Variants in SNX20 observed in about 807,000 individuals in gnomAD.
The protein encoded by SNX20 is sorting nexin 20.
Under a neutral mutation model 24.5 loss-of-function variants are expected in SNX20, and 21 were observed. That is an observed-to-expected ratio of 0.86 (90% CI 0.61 to 1.23). The LOEUF is 1.23. SNX20 is among the 50% of genes most tolerant of loss of function. The pLI, the probability that SNX20 is intolerant of heterozygous loss-of-function variation, is 0.00. For missense variants in SNX20, 433 were observed against 430.8 expected (o/e 1.00, Z -0.04); for synonymous variants, 206 against 192.8 (o/e 1.07, Z -0.57).
At chr16:50,679,846 C>G (rs554866149) in intron 1 of SNX20, among the ~76,000 whole-genome samples, 1 of 152,264 alleles carries the variant, frequency 6.6e-6, no homozygotes, top group African/African-American at 2.4e-5. Context: ...CTCCTATGCT[C>G]AGCACTTCTG....
In SNX20 at chr16:50,673,744, GGGCGCGCGGGTACTGGCC is replaced by G. The variant is rs1250121316; in HGVS notation, c.595_612del (p.Gly199_Ala204del). The G allele has an allele frequency of 6.6e-7, 1 of 1,506,890 alleles. No homozygotes were observed. 93.3% of individuals were successfully genotyped at this position (1,506,890 alleles called of 1,614,324 possible). A position where few individuals can be genotyped will look rare whatever the true frequency, so the allele number is the denominator to read the frequency against. On this transcript the variant is annotated inframe_deletion, in exon 4 of 4. Transcript: ENST00000330943. The surrounding 1 kb of genome is among the most constrained non-coding windows in gnomAD (Gnocchi z 4.1). Reference sequence around the variant, plus strand: ...GGCAGCACGCGCAGCAGCAGCTCCAGGGCGCGCGGGTACTGGCCGGCCCGCAGGCAGCCGAAAGCCTCG... The same window carrying G: ...GGCAGCACGCGCAGCAGCAGCTCCAGGGCCCGCAGGCAGCCGAAAGCCTCG...
downstream of SNX20, chr16:50,667,939 G>T: frequency 7.1e-7 from 1 of 1,398,614 alleles, no homozygotes; most frequent in Non-Finnish European, 9.9e-7. Flanking sequence ...GGGTAGGGGG[G>T]GACCCACTCA....
In SNX20 at chr16:50,673,836, A is replaced by C; in HGVS notation, c.521T>G (p.Val174Gly). 1.2e-6 allele frequency: 2 copies of C among 1,600,556 alleles called. No homozygotes were observed. The highest frequency in any genetic ancestry group is 1.1e-5 in the South Asian group (1 of 90,406). The change falls in exon 4 of 4, where the codon GTG becomes GGG. Residue 174 changes from valine to glycine, a missense_variant. By Grantham distance (109) the Val-to-Gly change is moderately radical. Coordinates refer to ENST00000330943, the MANE Select transcript of SNX20 (RefSeq NM_182854.4). The surrounding 1 kb of genome is among the most constrained non-coding windows in gnomAD (Gnocchi z 4.1). Reference protein sequence around the residue: ...YLGLLYAIRCVRRSREFLDFL... With the variant: ...YLGLLYAIRCGRRSREFLDFL... The stretch of plus-strand genomic sequence containing the variant: ...GTCCAGGAACTCCCGGGAGCGGCGC[A>C]CGCAGCGGATGGCGTAGAGCAGGCC...
intron 2 of SNX20, among the ~76,000 whole-genome samples, chr16:50,676,301 G>A (rs113749344): frequency 1.3e-5 from 2 of 151,918 alleles, no homozygotes; most frequent in Non-Finnish European, 2.9e-5. Flanking sequence ...CCCTGACTTC[G>A]TGACTGTTGC....
At position 50,673,876 on chromosome 16, in the gene SNX20, G is replaced by C; in HGVS notation, c.481C>G (p.Leu161Val). 1 of 1,607,588 alleles carries C rather than the reference G, an allele frequency of 6.2e-7. No homozygotes were observed. The highest frequency in any genetic ancestry group is 8.5e-7 in the Non-Finnish European group (1 of 1,179,662). The change falls in exon 4 of 4, where the codon CTG becomes GTG. Residue 161 changes from leucine (L) to valine (V), a missense_variant. Leu to Val is a conservative substitution (Grantham distance 32). Coordinates refer to ENST00000330943, the MANE Select transcript of SNX20 (RefSeq NM_182854.4). The surrounding 1 kb of genome is among the most constrained non-coding windows in gnomAD (Gnocchi z 4.1). The stretch of plus-strand genomic sequence containing the variant: ...TAGAGCAGGCCCAGGTACTCCTGCA[G>C]GGCGCGCCGACGCTCACAGATCATC... ...EEMICERRRA[L>V]QEYLGLLYAI...
At chr16:50,680,162 G>C (rs1045198401) in intron 1 of SNX20, among the ~76,000 whole-genome samples, 1 of 152,150 alleles carries the variant, frequency 6.6e-6, no homozygotes, top group Non-Finnish European at 1.5e-5. Flanking sequence ...TTGTGCACTG[G>C]TGTATCCATG....
chr16:50,676,148 A>G (rs753897689), intron 2 of SNX20, among the ~76,000 whole-genome samples: 1 of 151,900 alleles, frequency 6.6e-6, no homozygotes, highest in Non-Finnish European at 1.5e-5. Context: ...CAAATAGCCC[A>G]TCACCCCCAA....
chr16:50,677,056 C>T lies in SNX20; in HGVS notation c.130+341G>A, dbSNP rs77160472. On this transcript the variant is annotated intron_variant, in intron 2 of 3. Coordinates refer to ENST00000330943, the MANE Select transcript of SNX20 (RefSeq NM_182854.4). The stretch of plus-strand genomic sequence containing the variant: ...GGACTGGTAGATAACAGCCCGGCTT[C>T]CTCACCCCTAGGATAGGACAACCCA... Among the ~76,000 whole-genome samples the T allele has an allele frequency of 5.9e-3, 893 of 152,302 alleles. 7 individuals are homozygous for T. Among genetic ancestry groups the T allele is most frequent in the African/African-American group, 0.021 (865 of 41,556 alleles).
rs35435054 is a variant in SNX20, at chr16:50,675,881, C to T, written c.171G>A (p.Thr57=). 2.7e-3 allele frequency: 4,301 copies of T among 1,612,116 alleles called. 106 individuals carry two copies. The African/African-American group carries it at 0.051, about 19-fold the overall frequency. Residue 57 remains threonine, a synonymous_variant, in exon 3 of 4, where the codon ACG becomes ACA. Transcript: ENST00000330943. ...SGLSSNSSMT[T]RELQQYWQNQ... The stretch of plus-strand genomic sequence containing the variant: ...TCTGCCAGTACTGCTGAAGCTCCCG[C>T]GTGGTCATGCTGGAGTTGGAGCTCA...
chr16:50,667,838 G>T, downstream of SNX20: 4 of 656,710 alleles, frequency 6.1e-6, no homozygotes, highest in Non-Finnish European at 1.1e-5. Context: ...TGAGGGGGCC[G>T]AGCCTGGGAG....
chr16:50,677,311 T>G, intron 2 of SNX20, 86 bp downstream of exon 2: 1 of 1,427,906 alleles, frequency 7.0e-7, no homozygotes, highest in Non-Finnish European at 9.3e-7. Context: ...CCGGGCCTCT[T>G]GCTGCATCCC....
At chr16:50,668,014 A>T (rs1223584199), downstream of SNX20, 1 of 1,551,576 alleles carries the variant, frequency 6.4e-7, no homozygotes, top group African/African-American at 1.4e-5. Flanking sequence ...GGGTCTTGAT[A>T]TCAGGGTGTG....
At chr16:50,674,229 G>GTTTATTTA (rs752759802) in intron 3 of SNX20, among the ~76,000 whole-genome samples, 155 bp from the exon 4 acceptor site, 2,471 of 131,096 alleles carry the variant, frequency 0.019, 41 homozygotes, top group East Asian at 0.052. Context: ...TTGTTTGTTT[G>GTTTATTTA]TTTATTTATT....
downstream of SNX20, chr16:50,668,946 G>T: frequency 6.6e-7 from 1 of 1,510,754 alleles, no homozygotes; most frequent in East Asian, 2.5e-5. Context: ...CCCTGCCCAG[G>T]CCTCAGCACT....
At position 50,673,284 on chromosome 16, in the gene SNX20, G is replaced by C. The variant is rs1412174015; in HGVS notation, c.*122C>G. ...CCACTGCACTTCAGTCTGGGTGACAGAGCAAGACTGTCTCAAATAACAAAA... is the reference window on the plus strand; with the variant it reads ...CCACTGCACTTCAGTCTGGGTGACACAGCAAGACTGTCTCAAATAACAAAA... On this transcript the variant is annotated 3_prime_UTR_variant, in exon 4 of 4. Transcript: ENST00000330943. The surrounding 1 kb of genome is among the most constrained non-coding windows in gnomAD (Gnocchi z 4.1). 7.3e-7 allele frequency: 1 copy of C among 1,363,494 alleles called. No homozygotes were observed. The highest frequency in any genetic ancestry group is 9.4e-7 in the Non-Finnish European group (1 of 1,059,774). 84.5% of individuals were successfully genotyped at this position (1,363,494 alleles called of 1,614,324 possible).
At position 50,673,701 on chromosome 16, in the gene SNX20, G is replaced by A. The variant is rs957056780; in HGVS notation, c.656C>T (p.Thr219Ile). 4.7e-6 allele frequency: 7 copies of A among 1,500,594 alleles called. No individual in the cohort carries two copies. The highest frequency in any genetic ancestry group is 6.2e-6 in the Non-Finnish European group (7 of 1,133,216). 93.0% of individuals were successfully genotyped at this position (1,500,594 alleles called of 1,614,324 possible). ...LRVLPLQEKL[T>I]AHCPAAAVPA... Reference sequence around the variant, plus strand: ...GACGGCGGCCGCAGGGCAGTGGGCGGTGAGCTTCTCCTGCAGCGGCAGCAC... The same window carrying A: ...GACGGCGGCCGCAGGGCAGTGGGCGATGAGCTTCTCCTGCAGCGGCAGCAC... Residue 219 changes from threonine (T) to isoleucine (I), a missense_variant, in exon 4 of 4, where the codon ACC becomes ATC. Transcript: ENST00000330943. This position sits in a 1 kb window ranked among gnomAD's most constrained non-coding sequence, Gnocchi z 4.1.
downstream of SNX20, chr16:50,668,828 G>A (rs1962975560): frequency 7.7e-7 from 1 of 1,297,180 alleles, no homozygotes. Context: ...CCAGCTATGG[G>A]GACAGCCACT....
downstream of SNX20, chr16:50,668,199 C>A: frequency 6.7e-7 from 1 of 1,495,758 alleles, no homozygotes; most frequent in East Asian, 2.5e-5. Context: ...TGGTCTGCAG[C>A]AACGCACGGG....
intron 3 of SNX20, 57 bp from the exon 4 acceptor site, chr16:50,674,131 G>A (rs1273235424): frequency 2.0e-6 from 3 of 1,522,934 alleles, no homozygotes; most frequent in Non-Finnish European, 2.6e-6. Flanking sequence ...GCGGCGGACG[G>A]AGCACACCCA....
Sources: gnomAD v4.1 joint callset for allele counts (sites outside exome capture counted in the v4.1 genomes callset) on GRCh38, gnomAD v4.1.1 for gene constraint, Gnocchi (gnomAD v3.1) non-coding constraint, MANE v1.5 for transcripts, NCBI Gene and HGNC (gene_info 2026-07-23, HGNC 2026-07-21) for gene names.